DGKQ: variants seen among roughly 807,000 people sequenced by gnomAD.
DGKQ encodes the protein DAG kinase theta.
A neutral mutation model predicts 104.2 loss-of-function variants in DGKQ; 97 were observed. The ratio of observed to expected loss-of-function variants is 0.93; its 90% CI spans 0.79 to 1.10. DGKQ has a LOEUF of 1.10. Among genes scored for constraint, DGKQ ranks in the 50% least tolerant of loss-of-function variants. DGKQ has a pLI of 0.00. For synonymous variants in DGKQ, 736 were observed against 595.2 expected, an observed-to-expected ratio of 1.24 and a Z score of -3.44; for missense variants, 1,465 against 1,352.1, an observed-to-expected ratio of 1.08 and a Z score of -1.31.
chr4:966,412 G>A, intron 12 of DGKQ, 54 bp downstream of exon 12: 1 of 1,582,206 alleles, frequency 6.3e-7, no homozygotes, highest in Non-Finnish European at 8.7e-7. Flanking sequence ...GTGGGGCAGA[G>A]GCTGTGGCTG....
chr4:968,532 GCA>G lies in DGKQ; in HGVS notation c.482_483del (p.Val161AlafsTer6). On this transcript the variant is annotated frameshift_variant, in exon 4 of 23. Transcript: ENST00000273814. LOFTEE classifies it high-confidence loss of function. ...TGGCGGCAGTCACTGCAGGCGAAGG[GCA>G]CACAGTCTGGGTGGAGGTGCAGCTC... ...VCELHLHPDC[V>X]PFACSDCRQC... 1 of 1,609,632 alleles carries G rather than the reference GCA, an allele frequency of 6.2e-7. No homozygotes were observed. The highest frequency in any genetic ancestry group is 8.5e-7 in the Non-Finnish European group (1 of 1,178,626).
At chr4:965,577 A>C in intron 13 of DGKQ, 48 bp from the exon 14 acceptor site, 3 of 1,600,790 alleles carry the variant, frequency 1.9e-6, no homozygotes, top group African/African-American at 2.7e-5. Flanking sequence ...AAGGACACAC[A>C]GCACTGGGGC....
chr4:971,771 G>T lies in DGKQ; in HGVS notation c.272-699C>A, dbSNP rs983444879. ...GGAACCCTGGGCTGGGGCAAAGGCTGCGGGGGCTGGGAGTGGGCAGGGCAC... is the reference window on the plus strand; with the variant it reads ...GGAACCCTGGGCTGGGGCAAAGGCTTCGGGGGCTGGGAGTGGGCAGGGCAC... On this transcript the variant is annotated intron_variant, in intron 1 of 22. Transcript: ENST00000273814. The surrounding 1 kb of genome is among the most constrained non-coding windows in gnomAD (Gnocchi z 4.0). Among the ~76,000 whole-genome samples the T allele has an allele frequency of 3.9e-5, 6 of 152,184 alleles. No individual in the cohort carries two copies. The highest frequency in any genetic ancestry group is 8.8e-5 in the Non-Finnish European group (6 of 68,020).
chr4:966,159 C>T, intron 12 of DGKQ, 81 bp from the exon 13 acceptor site: 2 of 1,392,488 alleles, frequency 1.4e-6, no homozygotes, highest in Non-Finnish European at 2.0e-6. Context: ...ACCCGCAAAA[C>T]AGCAAAACAG....
rs771854589 is a variant in DGKQ at position 967,761 on chromosome 4, G to C, written c.853C>G (p.Pro285Ala). The stretch of plus-strand genomic sequence containing the variant: ...GGAGTTGCCTGTGTCTCTCTGCCTG[G>C]ACCCACGGCAGCGCTCCCGTCGGCG... ...DGADGSAAVG[P>A]GRETQATPES... Residue 285 changes from proline to alanine, a missense_variant, in exon 7 of 23, where the codon CCA becomes GCA. Coordinates refer to ENST00000273814, the MANE Select transcript of DGKQ (RefSeq NM_001347.4). 6.2e-7 allele frequency: 1 copy of C among 1,609,600 alleles called. No individual in the cohort carries two copies. Among genetic ancestry groups the C allele is most frequent in the Non-Finnish European group, 8.5e-7 (1 of 1,178,462 alleles).
chr4:960,837 C>T lies in DGKQ; in HGVS notation c.2728-116G>A, dbSNP rs546816060. ...CTGATGCCATCTCAGCCCCATTTCA[C>T]GGAAGGGGAGGGACCTGTCTGGCTG... On this transcript the variant is annotated intron_variant, in intron 22 of 22. Coordinates refer to ENST00000273814, the MANE Select transcript of DGKQ (RefSeq NM_001347.4). 3.0e-5 allele frequency: 45 copies of T among 1,499,540 alleles called. No homozygotes were observed. The East Asian group carries it at 3.2e-4, about 11-fold the overall frequency. The allele number at this position is 1,499,540 out of a possible 1,614,324, so 92.9% of individuals were successfully genotyped here. A position where few individuals can be genotyped will look rare whatever the true frequency, so the allele number is the denominator to read the frequency against.
At chr4:962,115 G>C in intron 18 of DGKQ, 33 bp from the exon 19 acceptor site, 2 of 1,584,080 alleles carry the variant, frequency 1.3e-6, no homozygotes. Flanking sequence ...CCAGGACCCG[G>C]CCGCCCTCAC....
chr4:971,016 T>A lies in DGKQ; in HGVS notation c.328A>T (p.Ser110Cys). 1 of 1,553,826 alleles carries A rather than the reference T, an allele frequency of 6.4e-7. No individual in the cohort carries two copies. Among genetic ancestry groups the A allele is most frequent in the Non-Finnish European group, 8.7e-7 (1 of 1,148,596 alleles). ...CLKHVRIPCT[S>C]VAPSLVRVPV... ...ACCCGGACCAGGCTGGGTGCCACAC[T>A]CGTGCACGGGATCCTCACGTGCTTC... The change falls in exon 2 of 23, where the codon AGT becomes TGT. Residue 110 changes from serine (S) to cysteine (C), a missense_variant. Transcript: ENST00000273814. This position sits in a 1 kb window ranked among gnomAD's most constrained non-coding sequence, Gnocchi z 4.0.
rs1475094879 is a variant in DGKQ at position 966,463 on chromosome 4, C to T, written c.1428+3G>A. 2.5e-6 allele frequency: 4 copies of T among 1,612,254 alleles called. No homozygotes were observed. The African/African-American group carries it at 5.3e-5, about 22-fold the overall frequency. ...CTGGGGGCCGGCGTCCACACCCACT[C>T]ACCTGCCGGATGTCCTGTAGCCGGT... On this transcript the variant is annotated splice_donor_region_variant and intron_variant, in intron 12 of 22. Transcript: ENST00000273814.
Position 967,941 on chromosome 4 carries a change from G to A in DGKQ, c.750C>T (p.Arg250=). 2 of 1,479,222 alleles carry A rather than the reference G, an allele frequency of 1.4e-6. No individual in the cohort carries two copies. The highest frequency in any genetic ancestry group is 1.5e-5 in the African/African-American group (1 of 68,844). 91.6% of individuals were successfully genotyped at this position (1,479,222 alleles called of 1,614,324 possible). The change falls in exon 6 of 23, where the codon CGC becomes CGT. Residue 250 remains arginine (R), a synonymous_variant. Coordinates refer to ENST00000273814, the MANE Select transcript of DGKQ (RefSeq NM_001347.4). The part of the protein sequence containing the change: ...RSLVLPPACV[R]LLPGGFSKTQ... ...TCTTGCTGAAGCCGCCGGGCAGAAG[G>A]CGCACGCACGCGGGAGGCAGGACCA... is the stretch of plus-strand genomic sequence containing the variant.
chr4:966,092 G>A lies in DGKQ; in HGVS notation c.1429-14C>T. 1.3e-6 allele frequency: 2 copies of A among 1,588,238 alleles called. No homozygotes were observed. Among genetic ancestry groups the A allele is most frequent in the Non-Finnish European group, 8.6e-7 (1 of 1,166,230 alleles). ...CCGCACAGACATCTGCAGGGAGAGG[G>A]GCGGGGATGCTGGGCCGGGGAGAAC... On this transcript the variant is annotated splice_polypyrimidine_tract_variant and intron_variant, in intron 12 of 22. Coordinates refer to ENST00000273814, the MANE Select transcript of DGKQ (RefSeq NM_001347.4).
At chr4:965,395 G>T in intron 14 of DGKQ, 96 bp downstream of exon 14, 1 of 1,549,558 alleles carries the variant, frequency 6.5e-7, no homozygotes, top group South Asian at 1.1e-5. Context: ...GCTGCCCAAG[G>T]GAAAGGTCAG....
At chr4:965,744 AG>A (rs1712263908) in intron 13 of DGKQ, among the ~76,000 whole-genome samples, 183 bp downstream of exon 13, 1 of 152,192 alleles carries the variant, frequency 6.6e-6, no homozygotes, top group Non-Finnish European at 1.5e-5. Flanking sequence ...TGAGCACCGC[AG>A]GGAACGGCCA....
intron 22 of DGKQ, 58 bp downstream of exon 22, chr4:960,991 C>T (rs1711842433): frequency 1.3e-6 from 2 of 1,595,792 alleles, no homozygotes; most frequent in South Asian, 1.1e-5. Flanking sequence ...ACTGGCCACT[C>T]CCATGGCCGG....
In DGKQ at chr4:961,779, G is replaced by C; in HGVS notation, c.2371C>G (p.Arg791Gly). Residue 791 changes from arginine (R) to glycine (G), a missense_variant, in exon 20 of 23, where the codon CGG (arginine) becomes GGG (glycine). Transcript: ENST00000273814. Reference sequence around the variant, plus strand: ...AGCCGGATCTGCTTGTGCAGGCTCCGAGAGTGACTGATCTTCTGCAGCCCC... The same window carrying C: ...AGCCGGATCTGCTTGTGCAGGCTCCCAGAGTGACTGATCTTCTGCAGCCCC... ...RVGLQKISHS[R>G]SLHKQIRLQV... 1.2e-6 allele frequency: 2 copies of C among 1,611,198 alleles called. No individual in the cohort carries two copies. The highest frequency in any genetic ancestry group is 1.7e-6 in the Non-Finnish European group (2 of 1,179,250).
At position 962,444 on chromosome 4, in the gene DGKQ, C is replaced by T; in HGVS notation, c.2205G>A (p.Glu735=). The T allele has an allele frequency of 6.3e-7, 1 of 1,576,956 alleles. No homozygotes were observed. ...CCGGGCTGCCCTGTACCTTGGGGGG[C>T]TCTGCGTCTGCCGTGTCGTTCTCTG... ...GSAENDTADA[E]PPKIVQMSNY... Residue 735 remains glutamate, a synonymous_variant, in exon 18 of 23, where the codon GAG becomes GAA. Transcript: ENST00000273814.
Position 968,033 on chromosome 4 carries a change from G to C in DGKQ, c.664-6C>G. The C allele has an allele frequency of 7.0e-7, 1 of 1,424,258 alleles. No homozygotes were observed. Among genetic ancestry groups the C allele is most frequent in the Non-Finnish European group, 9.1e-7 (1 of 1,098,398 alleles). 88.2% of individuals were successfully genotyped at this position (1,424,258 alleles called of 1,614,324 possible). On this transcript the variant is annotated splice_region_variant and splice_polypyrimidine_tract_variant and intron_variant, in intron 5 of 22. Coordinates refer to ENST00000273814, the MANE Select transcript of DGKQ (RefSeq NM_001347.4). ...GCGGAGCAGAGGGAGTGCGCCTGGGGGGAGAAGGGCCTGAGCTGGGGGGTT... is the reference window on the plus strand; with the variant it reads ...GCGGAGCAGAGGGAGTGCGCCTGGGCGGAGAAGGGCCTGAGCTGGGGGGTT...
intron 15 of DGKQ, among the ~76,000 whole-genome samples, chr4:963,496 C>A (rs41286661): frequency 6.6e-6 from 1 of 152,162 alleles, no homozygotes; most frequent in African/African-American, 2.4e-5. Flanking sequence ...GCCAGCAGGG[C>A]GGCACTGAGG....
Position 960,516 on chromosome 4 carries a change from A to C in DGKQ, c.*104T>G. The C allele has an allele frequency of 9.4e-7, 1 of 1,068,166 alleles. No individual in the cohort carries two copies. The highest frequency in any genetic ancestry group is 2.4e-5 in the East Asian group (1 of 41,764). The allele number at this position is 1,068,166 out of a possible 1,614,324, so 66.2% of individuals were successfully genotyped here. A position where few individuals can be genotyped will look rare whatever the true frequency, so the allele number is the denominator to read the frequency against. ...GTCAGGGCTGTAGCCAGGTCCGACC[A>C]CAGGGCCGGCCACTGTGTGGACGTG... On this transcript the variant is annotated 3_prime_UTR_variant, in exon 23 of 23. Coordinates refer to ENST00000273814, the MANE Select transcript of DGKQ (RefSeq NM_001347.4).
Sources: allele counts gnomAD v4.1 joint callset (sites outside exome capture counted in the v4.1 genomes callset), GRCh38; gene constraint gnomAD v4.1.1; non-coding constraint Gnocchi (gnomAD v3.1); transcripts MANE v1.5; gene names NCBI Gene and HGNC (gene_info 2026-07-23, HGNC 2026-07-21).